Variants in PTPRR observed in about 807,000 individuals in gnomAD.
The protein encoded by PTPRR is protein tyrosine phosphatase receptor type R, also known as receptor-type tyrosine-protein phosphatase R.
Under a neutral mutation model 77.2 loss-of-function variants are expected in PTPRR, and 38 were observed. That is an observed-to-expected ratio of 0.49 (90% CI 0.38 to 0.65). The LOEUF (loss-of-function observed/expected upper bound fraction) is 0.65, where lower values mean the gene tolerates loss of function less well. Among genes scored for constraint, PTPRR ranks in the 30% least tolerant of loss-of-function variants. The pLI, the probability that PTPRR is intolerant of heterozygous loss-of-function variation, is 0.00. For synonymous variants in PTPRR, 299 were observed against 283.1 expected, an observed-to-expected ratio of 1.06 and a Z score of -0.57; for missense variants, 744 against 799.2, an observed-to-expected ratio of 0.93 and a Z score of 0.83.
intron 1 of PTPRR, among the ~76,000 whole-genome samples, chr12:70,905,985 G>T (rs774972297): frequency 2.0e-5 from 3 of 151,952 alleles, no homozygotes; most frequent in Non-Finnish European, 2.9e-5. Context: ...CATGAGAAAT[G>T]ATTAGGCTCC....
intron 2 of PTPRR, among the ~76,000 whole-genome samples, chr12:70,837,113 A>AT: frequency 6.6e-6 from 1 of 152,192 alleles, no homozygotes; most frequent in South Asian, 2.1e-4. Context: ...CTTAAAAAAA[A>AT]GGCAAGCAGA....
chr12:70,673,849 GT>G (rs894656658), intron 10 of PTPRR, among the ~76,000 whole-genome samples: 12 of 151,478 alleles, frequency 7.9e-5, no homozygotes, highest in East Asian at 5.8e-4. Flanking sequence ...ATTTTTAATG[GT>G]TTTTTTTGCA....
chr12:70,828,233 A>T (rs1462788626), intron 2 of PTPRR, among the ~76,000 whole-genome samples: 1 of 152,224 alleles, frequency 6.6e-6, no homozygotes, highest in Non-Finnish European at 1.5e-5. Flanking sequence ...TTAAGGACAT[A>T]ATAAGCCTCA....
At chr12:70,759,164 G>A (rs992085713) in intron 4 of PTPRR, among the ~76,000 whole-genome samples, 4 of 152,082 alleles carry the variant, frequency 2.6e-5, no homozygotes, top group Non-Finnish European at 5.9e-5. Flanking sequence ...TCAAACTCCT[G>A]GCCTCAACCA....
chr12:70,661,406 G>T (rs1389466927), intron 11 of PTPRR, among the ~76,000 whole-genome samples: 1 of 152,048 alleles, frequency 6.6e-6, no homozygotes, highest in Non-Finnish European at 1.5e-5. Context: ...AAACAAGATG[G>T]TAGGTGAAAA....
intron 2 of PTPRR, among the ~76,000 whole-genome samples, chr12:70,869,032 T>G (rs1892913301): frequency 1.2e-5 from 1 of 80,770 alleles, no homozygotes; most frequent in South Asian, 5.3e-4. Flanking sequence ...TGGGGACTGT[T>G]GTGGGGTGGG....
At chr12:70,835,707 C>T (rs924864913) in intron 2 of PTPRR, among the ~76,000 whole-genome samples, 1 of 152,072 alleles carries the variant, frequency 6.6e-6, no homozygotes, top group Non-Finnish European at 1.5e-5. Context: ...AGCTTTCATG[C>T]TAGAAAAGTA....
At chr12:70,678,565 C>T (rs1333110320) in intron 10 of PTPRR, among the ~76,000 whole-genome samples, 1 of 151,958 alleles carries the variant, frequency 6.6e-6, no homozygotes, top group Non-Finnish European at 1.5e-5. Flanking sequence ...CAAACATGAT[C>T]TTTTCTTTTT....
chr12:70,665,253 T>C (rs1401344376), intron 10 of PTPRR, among the ~76,000 whole-genome samples: 3 of 151,922 alleles, frequency 2.0e-5, no homozygotes, highest in Non-Finnish European at 2.9e-5. Flanking sequence ...GTGTCTCTTG[T>C]GCAAACAAGT....
Position 70,718,927 on chromosome 12 carries a change from C to A in PTPRR, c.1008-17604G>T, listed in dbSNP as rs191255030. ...CTTTCGTATGTCTGAATTATCAATA[C>A]GCACATTTTCCACCAATAATTCTCC... On this transcript the variant is annotated intron_variant, in intron 6 of 13. Coordinates refer to ENST00000283228, the MANE Select transcript of PTPRR (RefSeq NM_002849.4). Among the ~76,000 whole-genome samples, 31 of 152,184 alleles carry A rather than the reference C, an allele frequency of 2.0e-4. No individual in the cohort carries two copies. In the East Asian group the frequency reaches 6.0e-3, roughly 29 times the overall value.
chr12:70,855,352 G>A (rs937137044), intron 2 of PTPRR, among the ~76,000 whole-genome samples: 2 of 152,150 alleles, frequency 1.3e-5, no homozygotes, highest in African/African-American at 4.8e-5. Flanking sequence ...TCAATAACCA[G>A]AGCTGGCAGC....
intron 1 of PTPRR, among the ~76,000 whole-genome samples, chr12:70,894,935 A>G (rs1321221189): frequency 6.6e-6 from 1 of 151,728 alleles, no homozygotes; most frequent in Non-Finnish European, 1.5e-5. Context: ...ATTAGTTTCC[A>G]TTACTATTTC....
intron 2 of PTPRR, among the ~76,000 whole-genome samples, chr12:70,853,008 G>T (rs1334753810): frequency 1.3e-5 from 2 of 152,132 alleles, no homozygotes; most frequent in African/African-American, 2.4e-5. Context: ...CAATAATCAT[G>T]ACTACCGTTC....
rs1888557663 is a variant in PTPRR, at chr12:70,704,794, A to G, written c.1008-3471T>C. On this transcript the variant is annotated intron_variant, in intron 6 of 13. Coordinates refer to ENST00000283228, the MANE Select transcript of PTPRR (RefSeq NM_002849.4). ...GAATTTAGAAAAAAAATCAACATAA[A>G]TAATAGGAGAACTATACCTTTAATA... Among the ~76,000 whole-genome samples, 2 of 152,274 alleles carry G rather than the reference A, an allele frequency of 1.3e-5. 1 individual carries two copies. The highest frequency in any genetic ancestry group is 4.1e-4 in the South Asian group (2 of 4,830).
intron 10 of PTPRR, among the ~76,000 whole-genome samples, chr12:70,669,630 T>C (rs1887144972): frequency 6.6e-6 from 1 of 151,076 alleles, no homozygotes; most frequent in Non-Finnish European, 1.5e-5. Context: ...AGTGGCACGA[T>C]CATAGCTTAC....
At chr12:70,716,966 T>C (rs1180400706) in intron 6 of PTPRR, among the ~76,000 whole-genome samples, 1 of 152,218 alleles carries the variant, frequency 6.6e-6, no homozygotes, top group African/African-American at 2.4e-5. Context: ...ACTATAACCA[T>C]AAAGACAAAA....
chr12:70,829,181 C>T (rs185733834), intron 2 of PTPRR, among the ~76,000 whole-genome samples: 4 of 151,180 alleles, frequency 2.6e-5, no homozygotes, highest in East Asian at 3.9e-4. Context: ...ACATAATAGG[C>T]ATTCAATGAA....
intron 2 of PTPRR, among the ~76,000 whole-genome samples, chr12:70,890,365 T>C (rs1349011692): frequency 2.0e-5 from 3 of 152,136 alleles, no homozygotes; most frequent in Non-Finnish European, 4.4e-5. Flanking sequence ...AAAAATTCAT[T>C]TGTGGATAAA....
intron 10 of PTPRR, among the ~76,000 whole-genome samples, chr12:70,666,936 T>G (rs1453771044): frequency 9.9e-5 from 2 of 20,120 alleles, no homozygotes; most frequent in African/African-American, 4.1e-4. Flanking sequence ...TGTTTTTCTG[T>G]TTTTTTTTTT....
Sources: allele counts gnomAD v4.1 joint callset (sites outside exome capture counted in the v4.1 genomes callset), GRCh38; gene constraint gnomAD v4.1.1; transcripts MANE v1.5; gene names NCBI Gene and HGNC (gene_info 2026-07-23, HGNC 2026-07-21).